The following FAM149A variants were observed in gnomAD, a reference collection of about 807,000 sequenced individuals.
The protein encoded by FAM149A is family with sequence similarity 149 member A.
Under a neutral mutation model 78.2 loss-of-function variants are expected in FAM149A, and 71 were observed. That is an observed-to-expected ratio of 0.91 (90% CI 0.75 to 1.11). FAM149A has a LOEUF of 1.11. FAM149A is among the 50% of genes least tolerant of loss of function. The pLI, the probability that FAM149A is intolerant of heterozygous loss-of-function variation, is 0.00. For missense variants in FAM149A, 1,036 were observed against 971.0 expected, an observed-to-expected ratio of 1.07 and a Z score of -0.89; for synonymous variants, 446 against 410.5, an observed-to-expected ratio of 1.09 and a Z score of -1.04.
chr4:186,149,816 C>T (rs1254584222), intron 3 of FAM149A, 112 bp downstream of exon 3: 1 of 522,244 alleles, frequency 1.9e-6, no homozygotes, highest in African/African-American at 2.1e-5. Context: ...CTATTGCATA[C>T]ATACATGTAC....
chr4:186,130,706 C>T (rs777102035), intron 1 of FAM149A, among the ~76,000 whole-genome samples: 11 of 152,056 alleles, frequency 7.2e-5, no homozygotes, highest in Non-Finnish European at 1.3e-4. Flanking sequence ...AAAAATACCA[C>T]CAATTTACCT....
chr4:186,139,787 G>A (rs191220431), intron 1 of FAM149A, among the ~76,000 whole-genome samples: 1 of 152,328 alleles, frequency 6.6e-6, no homozygotes, highest in Admixed American at 6.5e-5. Flanking sequence ...GGTATAGAGA[G>A]ATGACATAGT....
At chr4:186,127,328 T>G in intron 1 of FAM149A, 1 of 985,312 alleles carries the variant, frequency 1.0e-6, no homozygotes, top group Non-Finnish European at 1.2e-6. Context: ...AGAAGTAGGT[T>G]TACTTCACAG....
intron 1 of FAM149A, chr4:186,133,298 T>C (rs947503143): frequency 1.5e-6 from 1 of 688,352 alleles, no homozygotes; most frequent in Non-Finnish European, 1.8e-6. Context: ...CCGCCATCCA[T>C]CTCCAGAAGT....
At chr4:186,158,396 T>C in intron 8 of FAM149A, 1 of 1,196,010 alleles carries the variant, frequency 8.4e-7, no homozygotes, top group Non-Finnish European at 1.1e-6. Flanking sequence ...TCAGTGGGCC[T>C]GAAGGGGTGG....
rs916098777 is a variant in FAM149A, at chr4:186,165,681, A to G, written c.2010+217A>G. On this transcript the variant is annotated intron_variant, in intron 11 of 13. Transcript: ENST00000389354. ...ATTCACCGTTTTGTGAAATAAAAGC[A>G]TGTCTTGAACTAAATCAGAAATTCC... is the stretch of plus-strand genomic sequence containing the variant. 3.3e-5 allele frequency among the ~76,000 whole-genome samples: 5 copies of G among 152,354 alleles called. No individual in the cohort carries two copies. In the South Asian group the frequency reaches 8.3e-4, roughly 25 times the overall value.
rs975356725 is a variant in FAM149A, at chr4:186,105,245, G to A, written c.169G>A (p.Ala57Thr). ...GGGTACCGCCCCGACCCTCCTCCGC[G>A]CCCTGGCTCCGGACTCCCCCTCCGC... The change falls in exon 1 of 14, where the codon GCC (alanine) becomes ACC (threonine). Residue 57 changes from alanine to threonine, a missense_variant. Ala to Thr is a moderately conservative substitution (Grantham distance 58). Around this residue, in one of 3 missense-constraint regions of FAM149A, gnomAD observed 316 missense variants for 241.9 expected, o/e 1.31. Transcript: ENST00000389354. 4.1e-6 allele frequency: 5 copies of A among 1,229,954 alleles called. No individual in the cohort carries two copies. In the African/African-American group the frequency reaches 8.2e-5, roughly 20 times the overall value. The allele number at this position is 1,229,954 out of a possible 1,614,324, so 76.2% of individuals were successfully genotyped here.
chr4:186,123,708 G>A, intron 1 of FAM149A: 1 of 410,560 alleles, frequency 2.4e-6, no homozygotes, highest in Non-Finnish European at 3.3e-6. Flanking sequence ...AAGTAAGAAA[G>A]TCTTTCATCT....
At chr4:186,109,231 T>C (rs2099310220) in intron 1 of FAM149A, 1 of 978,436 alleles carries the variant, frequency 1.0e-6, no homozygotes, top group South Asian at 4.7e-5. Flanking sequence ...TGTGTATGAA[T>C]GTTGGTAGAG....
chr4:186,128,399 G>A (rs544612259), intron 1 of FAM149A, among the ~76,000 whole-genome samples: 20 of 152,068 alleles, frequency 1.3e-4, no homozygotes, highest in African/African-American at 4.8e-4. Context: ...TGATACAAGA[G>A]TGAAGGGAAA....
At chr4:186,153,587 C>G in intron 4 of FAM149A, 58 bp from the exon 5 acceptor site, 1 of 1,574,632 alleles carries the variant, frequency 6.4e-7, no homozygotes, top group Admixed American at 1.7e-5. Context: ...TTTAAAATCT[C>G]CAAACATTTT....
At chr4:186,138,726 G>T (rs557814679) in intron 1 of FAM149A, among the ~76,000 whole-genome samples, 37 of 152,298 alleles carry the variant, frequency 2.4e-4, no homozygotes, top group African/African-American at 8.7e-4. Context: ...ATGGGTTTGG[G>T]GGGGAAGGCC....
At position 186,112,186 on chromosome 4, in the gene FAM149A, G is replaced by A. The variant is rs1221123011; in HGVS notation, c.566+6544G>A. 1.9e-3 allele frequency among the ~76,000 whole-genome samples: 287 copies of A among 149,390 alleles called. 1 individual carries two copies. Among genetic ancestry groups the A allele is most frequent in the African/African-American group, 6.8e-3 (273 of 40,268 alleles). The stretch of plus-strand genomic sequence containing the variant: ...GTGAATGGGAGTTCACTCATGATTT[G>A]GCTCTCTGTTTGTCTGTTATTGGTG... On this transcript the variant is annotated intron_variant, in intron 1 of 13. Transcript: ENST00000389354.
At position 186,164,504 on chromosome 4, in the gene FAM149A, AC is replaced by A. The variant is rs1734862990; in HGVS notation, c.1890-834del. ...CAGACTTTTTCCAGATGCAGTCATA[AC>A]CCCCCTTTCAGCTTTTTAATTGGTG... On this transcript the variant is annotated intron_variant, in intron 10 of 13. Coordinates refer to ENST00000389354, the MANE Select transcript of FAM149A (RefSeq NM_001367768.3). This position sits in a 1 kb window ranked among gnomAD's most constrained non-coding sequence, Gnocchi z 4.0. The A allele has an allele frequency of 8.9e-5, 88 of 984,736 alleles. No homozygotes were observed. In the South Asian group the frequency reaches 3.7e-3, roughly 42 times the overall value. 61.0% of individuals were successfully genotyped at this position (984,736 alleles called of 1,614,324 possible).
At chr4:186,119,516 G>A (rs753468966) in intron 1 of FAM149A, among the ~76,000 whole-genome samples, 2 of 152,080 alleles carry the variant, frequency 1.3e-5, no homozygotes, top group Non-Finnish European at 2.9e-5. Context: ...TTAATAAAGA[G>A]GTTATTAAGG....
At chr4:186,116,305 G>A in intron 1 of FAM149A, 1 of 234,744 alleles carries the variant, frequency 4.3e-6, no homozygotes, top group Non-Finnish European at 6.9e-6. Context: ...GCACTCCCTA[G>A]TGAGATGCAC....
At position 186,166,945 on chromosome 4, in the gene FAM149A, AG is replaced by A. The variant is rs1735084601; in HGVS notation, c.2011-22del. On this transcript the variant is annotated intron_variant, in intron 11 of 13. Transcript: ENST00000389354. ...TTAAGGATTGCATTTATTTTAAACA[AG>A]AACATACTATCCTTCATTTAGTACA... 6 of 1,601,418 alleles carry A rather than the reference AG, an allele frequency of 3.7e-6. No individual in the cohort carries two copies. The East Asian group carries it at 1.3e-4, about 36-fold the overall frequency.
In FAM149A at chr4:186,136,729, C is replaced by T. The variant is rs147966301; in HGVS notation, c.567-12444C>T. ...TCTGTGCCATGTATAGGAGCTTTAG[C>T]GTCTCTGTATGATTTGTAGGGAGCT... On this transcript the variant is annotated intron_variant, in intron 1 of 13. Coordinates refer to ENST00000389354, the MANE Select transcript of FAM149A (RefSeq NM_001367768.3). Among the ~76,000 whole-genome samples the T allele has an allele frequency of 3.4e-3, 512 of 152,194 alleles. 2 individuals carry two copies. In the Middle Eastern group the frequency reaches 0.037, roughly 11 times the overall value.
At chr4:186,122,274 T>C (rs2099316402) in intron 1 of FAM149A, among the ~76,000 whole-genome samples, 1 of 152,212 alleles carries the variant, frequency 6.6e-6, no homozygotes, top group African/African-American at 2.4e-5. Context: ...TTTCTTTCTA[T>C]ATGAAAATAG....
Sources: gnomAD v4.1 joint callset for allele counts (sites outside exome capture counted in the v4.1 genomes callset) on GRCh38, gnomAD v4.1.1 for gene constraint, gnomAD v4.1.1 regional missense constraint, Gnocchi (gnomAD v3.1) non-coding constraint, MANE v1.5 for transcripts, NCBI Gene and HGNC (gene_info 2026-07-23, HGNC 2026-07-21) for gene names.